The following CTNNA3 variants were observed in gnomAD, a reference collection of about 807,000 sequenced individuals.
The protein encoded by CTNNA3 is catenin alpha-3.
Under a neutral mutation model 95.7 loss-of-function variants are expected in CTNNA3, and 76 were observed. That is an observed-to-expected ratio of 0.79 (90% CI 0.66 to 0.96). CTNNA3 has a LOEUF of 0.96. Among genes scored for constraint, CTNNA3 ranks in the 40% least tolerant of loss-of-function variants. CTNNA3 has a pLI of 0.00. For missense variants in CTNNA3, 1,191 were observed against 1,089.8 expected, an observed-to-expected ratio of 1.09 and a Z score of -1.31; for synonymous variants, 431 against 374.4, an observed-to-expected ratio of 1.15 and a Z score of -1.74.
intron 7 of CTNNA3, among the ~76,000 whole-genome samples, chr10:66,934,448 A>G (rs1468512575): frequency 1.3e-5 from 2 of 152,142 alleles, no homozygotes; most frequent in African/African-American, 4.8e-5. Context: ...ATTATCTCCA[A>G]AAGAAAAGTT....
At chr10:66,529,285 T>C (rs1841375401) in intron 10 of CTNNA3, among the ~76,000 whole-genome samples, 1 of 152,016 alleles carries the variant, frequency 6.6e-6, no homozygotes, top group African/African-American at 2.4e-5. Context: ...TGTGCCACAG[T>C]GCCCGGCTAA....
intron 13 of CTNNA3, among the ~76,000 whole-genome samples, chr10:66,206,540 T>TGATA (rs1417519881): frequency 1.3e-5 from 2 of 151,942 alleles, no homozygotes; most frequent in African/African-American, 4.8e-5. Flanking sequence ...ATGAAGCTAC[T>TGATA]GATATCTCAA....
chr10:67,666,274 A>G (rs1364376330), intron 1 of CTNNA3, among the ~76,000 whole-genome samples: 1 of 152,182 alleles, frequency 6.6e-6, no homozygotes, highest in Admixed American at 6.5e-5. Context: ...GGAATAACTA[A>G]TGAAGGTAAT....
intron 11 of CTNNA3, among the ~76,000 whole-genome samples, chr10:66,490,995 T>C (rs1839903714): frequency 6.6e-6 from 1 of 152,214 alleles, no homozygotes; most frequent in Non-Finnish European, 1.5e-5. Context: ...CATGATACAA[T>C]TCTCCAAATC....
At chr10:66,818,862 G>A (rs1293434639) in intron 7 of CTNNA3, among the ~76,000 whole-genome samples, 2 of 152,082 alleles carry the variant, frequency 1.3e-5, no homozygotes, top group African/African-American at 2.4e-5. Context: ...GGCCAAGGTA[G>A]GCGGATCACT....
chr10:66,690,958 A>T (rs1249897686), intron 9 of CTNNA3, among the ~76,000 whole-genome samples: 3 of 152,088 alleles, frequency 2.0e-5, no homozygotes, highest in Admixed American at 6.5e-5. Flanking sequence ...AAGTGTTCCT[A>T]TTTCTCCACA....
chr10:66,235,714 G>A (rs958105050), intron 13 of CTNNA3, among the ~76,000 whole-genome samples: 3 of 152,010 alleles, frequency 2.0e-5, no homozygotes, highest in South Asian at 4.1e-4. Flanking sequence ...GAACATATCC[G>A]ATATTGGAGT....
chr10:66,691,136 T>C (rs71493989), intron 9 of CTNNA3, among the ~76,000 whole-genome samples: 27,064 of 152,074 alleles, frequency 0.18, 3,047 homozygotes, highest in East Asian at 0.33. Context: ...GCACCGTGCA[T>C]GAGCTGAAGC....
intron 14 of CTNNA3, among the ~76,000 whole-genome samples, chr10:66,101,894 C>T (rs2133739191): frequency 6.6e-6 from 1 of 152,190 alleles, no homozygotes; most frequent in East Asian, 1.9e-4. Context: ...TTGGTAAGGA[C>T]TAAAGTTGTT....
At chr10:66,265,292 A>C (rs907148437) in intron 13 of CTNNA3, among the ~76,000 whole-genome samples, 1 of 152,030 alleles carries the variant, frequency 6.6e-6, no homozygotes, top group African/African-American at 2.4e-5. Flanking sequence ...ACATGGATGT[A>C]GGTAACTCAC....
At chr10:67,165,154 T>C (rs770416194) in intron 7 of CTNNA3, among the ~76,000 whole-genome samples, 2 of 152,166 alleles carry the variant, frequency 1.3e-5, no homozygotes, top group Non-Finnish European at 2.9e-5. Context: ...TATCCTACCA[T>C]GGAATACTAA....
intron 7 of CTNNA3, among the ~76,000 whole-genome samples, chr10:66,996,996 A>G (rs1851391866): frequency 6.6e-6 from 1 of 152,186 alleles, no homozygotes; most frequent in Non-Finnish European, 1.5e-5. Context: ...ATAATCAAGA[A>G]TAAGACAGAC....
chr10:66,689,178 C>T (rs1018266420), intron 9 of CTNNA3, among the ~76,000 whole-genome samples: 1 of 151,974 alleles, frequency 6.6e-6, no homozygotes, highest in Non-Finnish European at 1.5e-5. Flanking sequence ...GCCTGAGACA[C>T]TTAGGGCAGA....
At chr10:65,975,235 A>G (rs79481399) in intron 16 of CTNNA3, among the ~76,000 whole-genome samples, 1 of 152,306 alleles carries the variant, frequency 6.6e-6, no homozygotes, top group East Asian at 1.9e-4. Context: ...CAGGATAGCC[A>G]GACAGAGACA....
chr10:67,581,694 T>G (rs1420106943), intron 3 of CTNNA3, among the ~76,000 whole-genome samples: 1 of 152,172 alleles, frequency 6.6e-6, no homozygotes, highest in African/African-American at 2.4e-5. Context: ...GGTCCTGGAC[T>G]TTTTTTGTTT....
At chr10:67,513,554 G>A (rs889158972) in intron 5 of CTNNA3, among the ~76,000 whole-genome samples, 2 of 152,098 alleles carry the variant, frequency 1.3e-5, no homozygotes, top group East Asian at 1.9e-4. Flanking sequence ...GTCACTACTC[G>A]ACCACCTAGC....
chr10:67,071,800 C>G (rs1050249617), intron 7 of CTNNA3, among the ~76,000 whole-genome samples: 10 of 152,012 alleles, frequency 6.6e-5, no homozygotes, highest in Admixed American at 3.9e-4. Flanking sequence ...CTAATTTTTC[C>G]CTTTTTCTTT....
At chr10:66,917,484 C>T (rs1846553910) in intron 7 of CTNNA3, among the ~76,000 whole-genome samples, 1 of 152,192 alleles carries the variant, frequency 6.6e-6, no homozygotes, top group Non-Finnish European at 1.5e-5. Context: ...TACTTCATTG[C>T]AAACTATGCA....
At chr10:66,773,054 A>T (rs1444819928) in intron 8 of CTNNA3, among the ~76,000 whole-genome samples, 1 of 152,204 alleles carries the variant, frequency 6.6e-6, no homozygotes, top group Non-Finnish European at 1.5e-5. Context: ...GATAACTTAT[A>T]TTGCTGTTTT....
Sources: gnomAD v4.1 joint callset for allele counts (sites outside exome capture counted in the v4.1 genomes callset) on GRCh38, gnomAD v4.1.1 for gene constraint, MANE v1.5 for transcripts, NCBI Gene and HGNC (gene_info 2026-07-23, HGNC 2026-07-21) for gene names.